The following AIG1 variants were observed in gnomAD, a reference collection of about 807,000 sequenced individuals.
AIG1 encodes the protein androgen induced 1, also known as androgen-induced gene 1 protein.
A neutral mutation model predicts 31.4 loss-of-function variants in AIG1; 23 were observed. That is an observed-to-expected ratio of 0.73 (90% CI 0.53 to 1.04). The LOEUF (loss-of-function observed/expected upper bound fraction) is 1.04. Ranked by LOEUF, AIG1 falls within the 50% of genes least tolerant of loss-of-function variation. The probability of loss-of-function intolerance (pLI) is 0.00; values close to 1 mark genes in which losing one functional copy is unlikely to be tolerated. For synonymous variants in AIG1, 100 were observed against 110.5 expected, an observed-to-expected ratio of 0.90 and a Z score of 0.60; for missense variants, 274 against 295.0, an observed-to-expected ratio of 0.93 and a Z score of 0.52.
At chr6:143,167,698 A>C (rs4896622) in intron 3 of AIG1, among the ~76,000 whole-genome samples, 1 of 152,084 alleles carries the variant, frequency 6.6e-6, no homozygotes, top group Non-Finnish European at 1.5e-5. Context: ...TCCTGGAGAC[A>C]GATACTACTT....
At chr6:143,107,086 C>G (rs1293051166) in intron 1 of AIG1, among the ~76,000 whole-genome samples, 1 of 152,160 alleles carries the variant, frequency 6.6e-6, no homozygotes, top group Non-Finnish European at 1.5e-5. Context: ...CTTCGTCTCC[C>G]TAAGTCCCAT....
At chr6:143,337,467 G>A (rs1233996059) in intron 5 of AIG1, among the ~76,000 whole-genome samples, 1 of 151,916 alleles carries the variant, frequency 6.6e-6, no homozygotes, top group Admixed American at 6.6e-5. Context: ...TAAGCACTTC[G>A]ATGTAGCAGT....
chr6:143,180,834 TTA>T (rs1201572288), intron 3 of AIG1, among the ~76,000 whole-genome samples: 1 of 152,156 alleles, frequency 6.6e-6, no homozygotes, highest in African/African-American at 2.4e-5. Context: ...GTTGTTCTTG[TTA>T]TATGAAACTG....
chr6:143,187,445 C>G, intron 3 of AIG1: 1 of 1,535,508 alleles, frequency 6.5e-7, no homozygotes, highest in South Asian at 1.2e-5. Flanking sequence ...GTATGATCAG[C>G]TTGGTTGAAG....
intron 1 of AIG1, among the ~76,000 whole-genome samples, chr6:143,124,781 G>A (rs146575374): frequency 0.015 from 2,313 of 152,220 alleles, 28 homozygotes; most frequent in Middle Eastern, 0.061. Context: ...GCAAGTGGGG[G>A]AATGCCAGAT....
At chr6:143,178,672 C>T (rs1003227388) in intron 3 of AIG1, among the ~76,000 whole-genome samples, 2 of 152,198 alleles carry the variant, frequency 1.3e-5, no homozygotes, top group South Asian at 2.1e-4. Context: ...TGCTGAATTC[C>T]AGTGTTCTCC....
intron 2 of AIG1, among the ~76,000 whole-genome samples, chr6:143,147,826 A>G (rs1426679754): frequency 6.6e-6 from 1 of 152,126 alleles, no homozygotes; most frequent in Non-Finnish European, 1.5e-5. Context: ...GGCAAAACCT[A>G]CAAACAACCC....
rs1777771549 is a variant in AIG1 at position 143,339,715 on chromosome 6, T to C, written c.*39T>C. The C allele has an allele frequency of 6.2e-7, 1 of 1,606,566 alleles. No homozygotes were observed. Among genetic ancestry groups the C allele is most frequent in the Non-Finnish European group, 8.5e-7 (1 of 1,175,500 alleles). ...ACGCAAGAGCTAGATTGAGCCGCCA[T>C]TGAAGACTCCTTCCCCTCGGGCATT... On this transcript the variant is annotated 3_prime_UTR_variant, in exon 6 of 6. Transcript: ENST00000357847.
At position 143,293,756 on chromosome 6, in the gene AIG1, A is replaced by G. The variant is rs1363098531; in HGVS notation, c.515+9531A>G. Among the ~76,000 whole-genome samples, 1 of 152,074 alleles carries G rather than the reference A, an allele frequency of 6.6e-6. No homozygotes were observed. The highest frequency in any genetic ancestry group is 1.5e-5 in the Non-Finnish European group (1 of 67,996). On this transcript the variant is annotated intron_variant, in intron 4 of 5. Transcript: ENST00000357847. This position sits in a 1 kb window ranked among gnomAD's most constrained non-coding sequence, Gnocchi z 4.8. ...TTGCCCCACCCTGAAGTCATGTTTT[A>G]TGTGGTTATGATCCTTCCCCCACTC...
intron 3 of AIG1, chr6:143,189,578 G>C (rs1287958428): frequency 2.0e-6 from 2 of 985,386 alleles, no homozygotes; most frequent in Non-Finnish European, 2.4e-6. Flanking sequence ...TGCATGGAAA[G>C]TTCTGACAGG....
At chr6:143,303,078 T>G (rs1798947029) in intron 4 of AIG1, among the ~76,000 whole-genome samples, 1 of 152,142 alleles carries the variant, frequency 6.6e-6, no homozygotes, top group Non-Finnish European at 1.5e-5. Context: ...GATTTTTTGT[T>G]TTTTTCTTGT....
At chr6:143,196,350 A>AACACATGCAC (rs1554256859) in intron 3 of AIG1, among the ~76,000 whole-genome samples, 7 of 141,636 alleles carry the variant, frequency 4.9e-5, no homozygotes, top group African/African-American at 1.8e-4. Context: ...CAACAAAAGC[A>AACACATGCAC]ACACACACAC....
intron 3 of AIG1, among the ~76,000 whole-genome samples, chr6:143,250,222 C>A (rs924899533): frequency 1.3e-5 from 2 of 152,192 alleles, no homozygotes; most frequent in Admixed American, 6.5e-5. Context: ...TCAAGGCTGG[C>A]CCTGGAATAG....
intron 3 of AIG1, among the ~76,000 whole-genome samples, chr6:143,184,122 G>A (rs1157291720): frequency 6.6e-6 from 1 of 152,142 alleles, no homozygotes; most frequent in Non-Finnish European, 1.5e-5. Flanking sequence ...AAATCACCTC[G>A]ACAGTATCCT....
At position 143,340,361 on chromosome 6, in the gene AIG1, T is replaced by C. The variant is rs1777807086; in HGVS notation, c.*685T>C. The C allele has an allele frequency of 6.6e-6, 1 of 152,238 alleles. No individual in the cohort carries two copies. The highest frequency in any genetic ancestry group is 1.5e-5 in the Non-Finnish European group (1 of 68,028). 9.4% of individuals were successfully genotyped at this position (152,238 alleles called of 1,614,324 possible). ...TAACAGCATTAGTATCTCCTTTTCA[T>C]TTTTATTACCTGTTGAAAATGGGTT... is the stretch of plus-strand genomic sequence containing the variant. On this transcript the variant is annotated 3_prime_UTR_variant, in exon 6 of 6. Coordinates refer to ENST00000357847, the MANE Select transcript of AIG1 (RefSeq NM_016108.4).
intron 4 of AIG1, among the ~76,000 whole-genome samples, chr6:143,285,397 C>T (rs1338661483): frequency 1.3e-5 from 2 of 150,816 alleles, no homozygotes; most frequent in African/African-American, 4.9e-5. Context: ...TGCTGTGGCT[C>T]ACGCTTGTAA....
rs1776960646 is a variant in AIG1, at chr6:143,330,219, A to T, written c.516-3063A>T. On this transcript the variant is annotated intron_variant, in intron 4 of 5. Coordinates refer to ENST00000357847, the MANE Select transcript of AIG1 (RefSeq NM_016108.4). This position sits in a 1 kb window ranked among gnomAD's most constrained non-coding sequence, Gnocchi z 4.4. ...CAAAATTCCTTTGCTCATTGAATAG[A>T]CAATAAACAGACAAATAAAAATAAG... Among the ~76,000 whole-genome samples the T allele has an allele frequency of 6.6e-6, 1 of 152,218 alleles. No individual in the cohort carries two copies. Among genetic ancestry groups the T allele is most frequent in the Non-Finnish European group, 1.5e-5 (1 of 68,044 alleles).
chr6:143,341,323 C>A (rs1193043495), downstream of AIG1, among the ~76,000 whole-genome samples: 1 of 152,160 alleles, frequency 6.6e-6, no homozygotes, highest in East Asian at 1.9e-4. Flanking sequence ...TGGTTTCCAT[C>A]ACAACTACAT....
chr6:143,221,799 T>G (rs1451143133), intron 3 of AIG1, among the ~76,000 whole-genome samples: 1 of 152,188 alleles, frequency 6.6e-6, no homozygotes, highest in Non-Finnish European at 1.5e-5. Flanking sequence ...CGGAGAGACT[T>G]AACACTCAAG....
Sources: gnomAD v4.1 joint callset for allele counts (sites outside exome capture counted in the v4.1 genomes callset) on GRCh38, gnomAD v4.1.1 for gene constraint, Gnocchi (gnomAD v3.1) non-coding constraint, MANE v1.5 for transcripts, NCBI Gene and HGNC (gene_info 2026-07-23, HGNC 2026-07-21) for gene names.